Variants in DIPK1A observed in about 807,000 individuals in gnomAD.
DIPK1A encodes family with sequence similarity 69 member A.
Under a neutral mutation model 40.8 loss-of-function variants are expected in DIPK1A, and 27 were observed. The observed-to-expected ratio is 0.66, with a 90% CI of 0.49 to 0.91. The LOEUF (loss-of-function observed/expected upper bound fraction) is 0.91. Among genes scored for constraint, DIPK1A ranks in the 40% least tolerant of loss-of-function variants. The pLI, the probability that DIPK1A is intolerant of heterozygous loss-of-function variation, is 0.00. For synonymous variants in DIPK1A, 166 were observed against 171.3 expected, an observed-to-expected ratio of 0.97 and a Z score of 0.24; for missense variants, 412 against 505.7, an observed-to-expected ratio of 0.81 and a Z score of 1.78.
At chr1:92,840,059 A>G (rs1687290636), downstream of DIPK1A, among the ~76,000 whole-genome samples, 1 of 149,158 alleles carries the variant, frequency 6.7e-6, no homozygotes, top group South Asian at 2.1e-4. Flanking sequence ...TCATTCTGTC[A>G]TCTAGGCTGG....
chr1:92,959,587 G>A (rs1222721250), intron 1 of DIPK1A, among the ~76,000 whole-genome samples: 2 of 151,414 alleles, frequency 1.3e-5, no homozygotes, highest in Non-Finnish European at 2.9e-5. Flanking sequence ...GAGTAGCTGG[G>A]ACTACAGGCG....
chr1:92,916,325 G>A (rs1360874297), intron 1 of DIPK1A, among the ~76,000 whole-genome samples: 1 of 148,264 alleles, frequency 6.7e-6, no homozygotes, highest in African/African-American at 2.5e-5. Context: ...TTTTGAGACG[G>A]AGTTTCGCTG....
downstream of DIPK1A, chr1:92,840,538 T>A (rs769758150): frequency 8.0e-5 from 129 of 1,604,632 alleles, no homozygotes; most frequent in Non-Finnish European, 1.1e-4. Context: ...CTGTTTGCTT[T>A]CCTTTGTTTC....
At chr1:92,868,461 C>A (rs1647671923) in intron 2 of DIPK1A, among the ~76,000 whole-genome samples, 1 of 152,146 alleles carries the variant, frequency 6.6e-6, no homozygotes, top group African/African-American at 2.4e-5. Flanking sequence ...ATGCTTTTTG[C>A]CTAGATTCTC....
intron 1 of DIPK1A, chr1:92,931,564 GAAAA>G (rs35924388): frequency 1.6e-5 from 2 of 121,408 alleles, no homozygotes. Flanking sequence ...GCCATCTCTT[GAAAA>G]AAAAAAAAAA....
chr1:92,875,367 A>G (rs1648070111), intron 2 of DIPK1A, among the ~76,000 whole-genome samples: 1 of 152,216 alleles, frequency 6.6e-6, no homozygotes. Flanking sequence ...CCTCCAAATC[A>G]TTACTATTCA....
intron 1 of DIPK1A, among the ~76,000 whole-genome samples, chr1:92,950,939 A>G (rs910862073): frequency 6.6e-6 from 1 of 152,214 alleles, no homozygotes; most frequent in African/African-American, 2.4e-5. Flanking sequence ...TTAAGAAATA[A>G]TTACTTTTTT....
rs1269877843 is a variant in DIPK1A, at chr1:92,959,902, ACTTTTTTTTT to A, written c.54+1464_54+1473del. 2.1e-4 allele frequency among the ~76,000 whole-genome samples: 9 copies of A among 43,104 alleles called. 1 individual carries two copies. Among genetic ancestry groups the A allele is most frequent in the South Asian group, 1.9e-3 (2 of 1,052 alleles). The allele number at this position is 43,104 out of a possible 152,430, so 28.3% of individuals were successfully genotyped here. ...AGCTGGGACCACAGGCACCCAACCA[ACTTTTTTTTT>A]TTTTTTTTTTTTTTTGTATTTTTAG... is the stretch of plus-strand genomic sequence containing the variant. On this transcript the variant is annotated intron_variant, in intron 1 of 4. Coordinates refer to ENST00000370310, the MANE Select transcript of DIPK1A (RefSeq NM_001006605.5).
intron 2 of DIPK1A, among the ~76,000 whole-genome samples, chr1:92,863,840 C>CAGA (rs1157309183): frequency 2.0e-5 from 3 of 151,888 alleles, no homozygotes; most frequent in African/African-American, 7.3e-5. Context: ...CACTTAAGGT[C>CAGA]GGTCAGGAGT....
chr1:92,845,058 C>G (rs946739557), intron 4 of DIPK1A, among the ~76,000 whole-genome samples: 70 of 149,640 alleles, frequency 4.7e-4, no homozygotes, highest in African/African-American at 1.6e-3. Flanking sequence ...CATTCTCCTG[C>G]CTCACCCTCC....
chr1:92,842,098 C>T, downstream of DIPK1A: 1 of 807,708 alleles, frequency 1.2e-6, no homozygotes. Context: ...AGTCATTATC[C>T]CTTATGTTGT....
At chr1:92,832,752 G>T (rs1226916445) in exon 5 of DIPK1A, 3 of 478,728 alleles carry the variant, frequency 6.3e-6, no homozygotes, top group Non-Finnish European at 1.1e-5. Flanking sequence ...TTGGGGTAGG[G>T]CCCCAAGGGT....
intron 2 of DIPK1A, among the ~76,000 whole-genome samples, chr1:92,867,009 G>GAATATAAC (rs1647576513): frequency 6.6e-6 from 1 of 152,140 alleles, no homozygotes. Flanking sequence ...CGGAACTTGA[G>GAATATAAC]AATATAACAA....
chr1:92,923,059 C>T (rs1413192114), intron 1 of DIPK1A, among the ~76,000 whole-genome samples: 1 of 152,136 alleles, frequency 6.6e-6, no homozygotes, highest in African/African-American at 2.4e-5. Context: ...ATTTCATGTC[C>T]AGTTTACCTG....
intron 2 of DIPK1A, among the ~76,000 whole-genome samples, chr1:92,852,283 G>C (rs1379664200): frequency 1.3e-5 from 2 of 152,166 alleles, no homozygotes; most frequent in African/African-American, 4.8e-5. Context: ...TGGATCACCT[G>C]AGGTCAGGAG....
rs1571044021 is a variant in DIPK1A at position 92,843,523 on chromosome 1, G to A, written c.1147C>T (p.Arg383Cys). Residue 383 changes from arginine (R) to cysteine (C), a missense_variant, in exon 5 of 5, where the codon CGT becomes TGT. Coordinates refer to ENST00000370310, the MANE Select transcript of DIPK1A (RefSeq NM_001006605.5). ...TAAAGCTGCTTTTCTAATTCTTCAC[G>A]AATTTCACTTGGAGCACCACGCAGT... ...YLLRGAPSEI[R>C]EELEKQLYSC... is the part of the protein sequence containing the mutation. 2 of 1,551,894 alleles carry A rather than the reference G, an allele frequency of 1.3e-6. No homozygotes were observed. Among genetic ancestry groups the A allele is most frequent in the Non-Finnish European group, 1.7e-6 (2 of 1,147,042 alleles).
At chr1:92,885,520 T>C (rs1167721800) in intron 1 of DIPK1A, among the ~76,000 whole-genome samples, 1 of 152,180 alleles carries the variant, frequency 6.6e-6, no homozygotes, top group Non-Finnish European at 1.5e-5. Context: ...CACACCCAGC[T>C]AATTTTTGTA....
At chr1:92,839,050 T>TTC (rs1553122503), downstream of DIPK1A, among the ~76,000 whole-genome samples, 2 of 149,968 alleles carry the variant, frequency 1.3e-5, no homozygotes, top group Non-Finnish European at 3.0e-5. Context: ...TTTTTTTTTT[T>TTC]CAGTGAGTTT....
intron 1 of DIPK1A, among the ~76,000 whole-genome samples, chr1:92,892,860 A>G (rs532370398): frequency 6.6e-6 from 1 of 152,270 alleles, no homozygotes; most frequent in South Asian, 2.1e-4. Flanking sequence ...TGAATGCACA[A>G]GTCTCAGTAG....
Sources: gnomAD v4.1 joint callset for allele counts (sites outside exome capture counted in the v4.1 genomes callset) on GRCh38, gnomAD v4.1.1 for gene constraint, MANE v1.5 for transcripts, NCBI Gene and HGNC (gene_info 2026-07-23, HGNC 2026-07-21) for gene names.